The following MYO16 variants were observed in gnomAD, a reference collection of about 807,000 sequenced individuals.
MYO16 encodes unconventional myosin-XVI.
A neutral mutation model predicts 205.3 loss-of-function variants in MYO16; 94 were observed. The ratio of observed to expected loss-of-function variants is 0.46; its 90% CI spans 0.39 to 0.54. The LOEUF (loss-of-function observed/expected upper bound fraction) is 0.54, where lower values mean the gene tolerates loss of function less well. MYO16 is among the 20% of genes least tolerant of loss of function. MYO16 has a pLI of 0.00. For synonymous variants in MYO16, 988 were observed against 954.0 expected (o/e 1.04, Z -0.66); for missense variants, 2,315 against 2,387.5 (o/e 0.97, Z 0.63).
At chr13:108,776,753 G>T (rs888359928) in intron 4 of MYO16, among the ~76,000 whole-genome samples, 3 of 152,120 alleles carry the variant, frequency 2.0e-5, no homozygotes, top group South Asian at 4.1e-4. Flanking sequence ...ATATTATCAA[G>T]ATTTTTTATA....
intron 20 of MYO16, among the ~76,000 whole-genome samples, chr13:108,988,730 C>G (rs1884722693): frequency 1.3e-5 from 2 of 152,116 alleles, no homozygotes; most frequent in Non-Finnish European, 2.9e-5. Context: ...TCCCTAAATT[C>G]TATCAAAACA....
intron 4 of MYO16, among the ~76,000 whole-genome samples, chr13:108,760,722 G>A (rs557268703): frequency 3.3e-5 from 5 of 152,276 alleles, no homozygotes; most frequent in Admixed American, 3.3e-4. Flanking sequence ...ACAGTAGATT[G>A]GTGGTTCACA....
chr13:109,118,592 G>A (rs556277340), intron 28 of MYO16, among the ~76,000 whole-genome samples: 2 of 152,288 alleles, frequency 1.3e-5, no homozygotes, highest in Admixed American at 6.5e-5. Context: ...TTGGAACCCA[G>A]GTTTGGATGA....
At chr13:108,873,748 C>T (rs1879189193) in intron 12 of MYO16, among the ~76,000 whole-genome samples, 1 of 128,652 alleles carries the variant, frequency 7.8e-6, no homozygotes, top group African/African-American at 2.8e-5. Flanking sequence ...AGGACAGGGT[C>T]CATCCCAACC....
intron 23 of MYO16, among the ~76,000 whole-genome samples, chr13:109,037,447 G>C (rs1442800181): frequency 6.6e-6 from 1 of 151,998 alleles, no homozygotes; most frequent in Non-Finnish European, 1.5e-5. Flanking sequence ...CTTTTTATTG[G>C]GAGGCAGCCT....
chr13:109,089,473 C>T, intron 27 of MYO16, among the ~76,000 whole-genome samples: 1 of 152,086 alleles, frequency 6.6e-6, no homozygotes, highest in East Asian at 1.9e-4. Flanking sequence ...CCTCAGCCTC[C>T]CAAAGTGCTG....
At chr13:109,205,280 T>A (rs1477923885) in intron 34 of MYO16, among the ~76,000 whole-genome samples, 1 of 152,158 alleles carries the variant, frequency 6.6e-6, no homozygotes, top group Admixed American at 6.5e-5. Flanking sequence ...GCTGTAAACA[T>A]CATCTCCTTG....
intron 23 of MYO16, among the ~76,000 whole-genome samples, chr13:109,041,631 T>G (rs892845872): frequency 6.6e-6 from 1 of 152,208 alleles, no homozygotes; most frequent in Non-Finnish European, 1.5e-5. Context: ...ATATTTTCAC[T>G]GCATTAATGT....
At chr13:108,499,034 A>G in the MYO16 span, among the ~76,000 whole-genome samples, 1 of 152,100 alleles carries the variant, frequency 6.6e-6, no homozygotes, top group Non-Finnish European at 1.5e-5. Context: ...GTCTATTTTC[A>G]TCTTTGTATC....
At chr13:108,664,851 A>G (rs1881654550) in intron 1 of MYO16, among the ~76,000 whole-genome samples, 1 of 152,146 alleles carries the variant, frequency 6.6e-6, no homozygotes, top group Non-Finnish European at 1.5e-5. Context: ...TAGCCTTTTG[A>G]AACAAGGGGG....
chr13:109,149,855 C>T (rs976622599), intron 32 of MYO16, among the ~76,000 whole-genome samples: 1 of 152,198 alleles, frequency 6.6e-6, no homozygotes, highest in African/African-American at 2.4e-5. Flanking sequence ...CTCGTGTCTC[C>T]TCACTTTCCG....
At chr13:108,500,206 G>GT in the MYO16 span, among the ~76,000 whole-genome samples, 97 of 11,944 alleles carry the variant, frequency 8.1e-3, 24 homozygotes, top group African/African-American at 0.013. Context: ...GTTGATTCCT[G>GT]TTTTTTTTTT....
intron 1 of MYO16, among the ~76,000 whole-genome samples, chr13:108,603,568 T>TTTCTTTCAA (rs2139303723): frequency 6.6e-6 from 1 of 152,294 alleles, no homozygotes; most frequent in East Asian, 1.9e-4. Flanking sequence ...GCTACTTTTT[T>TTTCTTTCAA]TTCTTTCAAT....
At chr13:108,727,371 G>A (rs754576120) in intron 3 of MYO16, 69 bp from the exon 4 acceptor site, 1 of 1,490,308 alleles carries the variant, frequency 6.7e-7, no homozygotes, top group Non-Finnish European at 9.1e-7. Context: ...TTTTAAATCT[G>A]TGGACATTTG....
rs141769329 is a variant in MYO16, at chr13:108,634,914, T to C, written c.28+5042T>C. 4.6e-4 allele frequency among the ~76,000 whole-genome samples: 70 copies of C among 152,290 alleles called. 1 individual carries two copies. Among genetic ancestry groups the C allele is most frequent in the African/African-American group, 1.5e-3 (62 of 41,576 alleles). On this transcript the variant is annotated intron_variant, in intron 1 of 34. Transcript: ENST00000457511. ...TGAACCTTTAGCCCAGATGTCCCCT[T>C]AGGCAGCCCTCCCTTCTGTCTCTTA...
intron 28 of MYO16, among the ~76,000 whole-genome samples, chr13:109,112,629 C>T (rs1389758563): frequency 6.6e-6 from 1 of 151,914 alleles, no homozygotes; most frequent in Non-Finnish European, 1.5e-5. Context: ...GTGGCGCATG[C>T]CTGTAATCCC....
chr13:108,506,733 C>T, the MYO16 span, among the ~76,000 whole-genome samples: 1 of 152,088 alleles, frequency 6.6e-6, no homozygotes, highest in Non-Finnish European at 1.5e-5. Flanking sequence ...ATAGAAGTGG[C>T]AAGAGTGGGC....
chr13:108,499,408 C>G, the MYO16 span, among the ~76,000 whole-genome samples: 1 of 152,212 alleles, frequency 6.6e-6, no homozygotes, highest in Non-Finnish European at 1.5e-5. Context: ...CCTGCGGAAT[C>G]AGAATCTGGG....
At chr13:108,498,884 T>C in the MYO16 span, among the ~76,000 whole-genome samples, 1 of 152,204 alleles carries the variant, frequency 6.6e-6, no homozygotes, top group Non-Finnish European at 1.5e-5. Flanking sequence ...GGCACACCCA[T>C]TCCACATTGC....
Sources: gnomAD v4.1 joint callset for allele counts (sites outside exome capture counted in the v4.1 genomes callset) on GRCh38, gnomAD v4.1.1 for gene constraint, MANE v1.5 for transcripts, NCBI Gene and HGNC (gene_info 2026-07-23, HGNC 2026-07-21) for gene names.